Variants in SFSWAP observed in about 807,000 individuals in gnomAD.
The protein encoded by SFSWAP is splicing factor SWAP, also known as splicing factor, suppressor of white-apricot homolog.
SFSWAP carries 17 observed loss-of-function variants against 100.7 expected under a neutral mutation model. The observed-to-expected ratio is 0.17, with a 90% CI of 0.12 to 0.25. The LOEUF is 0.25. Ranked by LOEUF, SFSWAP falls within the 10% of genes least tolerant of loss-of-function variation. SFSWAP has a pLI of 1.00. For missense variants in SFSWAP, 1,005 were observed against 1,262.6 expected, an observed-to-expected ratio of 0.80 and a Z score of 3.09; for synonymous variants, 504 against 510.1, an observed-to-expected ratio of 0.99 and a Z score of 0.16.
Position 131,725,271 on chromosome 12 carries a change from G to A in SFSWAP, c.607-134G>A, listed in dbSNP as rs1490396663. The A allele has an allele frequency of 1.3e-6, 1 of 760,422 alleles. No homozygotes were observed. Among genetic ancestry groups the A allele is most frequent in the Non-Finnish European group, 2.2e-6 (1 of 453,544 alleles). The allele number at this position is 760,422 out of a possible 1,614,324, so 47.1% of individuals were successfully genotyped here. On this transcript the variant is annotated intron_variant, in intron 4 of 17. Transcript: ENST00000261674. This position sits in a 1 kb window ranked among gnomAD's most constrained non-coding sequence, Gnocchi z 4.3. ...GAGATGAGGAGTCCGAACAGCCTGGGCTCTTCCAGCTTAAAGTCTCGTATC... is the reference window on the plus strand; with the variant it reads ...GAGATGAGGAGTCCGAACAGCCTGGACTCTTCCAGCTTAAAGTCTCGTATC...
In SFSWAP at chr12:131,794,843, T is replaced by C. The variant is rs1486285236; in HGVS notation, c.2535-2335T>C. On this transcript the variant is annotated intron_variant, in intron 15 of 17. Coordinates refer to ENST00000261674, the MANE Select transcript of SFSWAP (RefSeq NM_004592.4). This position sits in a 1 kb window ranked among gnomAD's most constrained non-coding sequence, Gnocchi z 4.8. ...CTTTAAAAAAAAATGAATGAGTTGC[T>C]CCATTCCTTCAGCAAGGGCTTAGAT... Among the ~76,000 whole-genome samples the C allele has an allele frequency of 6.6e-6, 1 of 152,182 alleles. No homozygotes were observed. The highest frequency in any genetic ancestry group is 2.1e-4 in the South Asian group (1 of 4,830).
At chr12:131,797,792 G>A (rs963508855) in intron 16 of SFSWAP, among the ~76,000 whole-genome samples, 2 of 152,262 alleles carry the variant, frequency 1.3e-5, no homozygotes, top group African/African-American at 4.8e-5. Context: ...TCACACCTGG[G>A]CAGCAGCACA....
At chr12:131,768,680 C>T (rs56020999) in intron 13 of SFSWAP, among the ~76,000 whole-genome samples, 11,452 of 152,204 alleles carry the variant, frequency 0.075, 488 homozygotes, top group Middle Eastern at 0.12. Context: ...GCCCCAGAAA[C>T]GAACATTTTC....
rs768995454 is a variant in SFSWAP, at chr12:131,756,601, G to C, written c.1677G>C (p.Glu559Asp). The C allele has an allele frequency of 3.1e-6, 5 of 1,612,280 alleles. No homozygotes were observed. The South Asian group carries it at 5.5e-5, about 18-fold the overall frequency. Reference sequence around the variant, plus strand: ...GGGCAGGCTCAGGCGGGAAGAAGGAGGCATCGTCCAGTAAGACCGTCCCGG... The same window carrying C: ...GGGCAGGCTCAGGCGGGAAGAAGGACGCATCGTCCAGTAAGACCGTCCCGG... ...GARAGSGGKK[E>D]ASSSKTVPDG... The change falls in exon 11 of 18, where the codon GAG (glutamate) becomes GAC (aspartate). Residue 559 changes from glutamate (E) to aspartate (D), a missense_variant. Around this residue, in one of 7 missense-constraint regions of SFSWAP, gnomAD observed 311 missense variants for 317.8 expected, o/e 0.98. Coordinates refer to ENST00000261674, the MANE Select transcript of SFSWAP (RefSeq NM_004592.4).
chr12:131,746,908 T>G (rs761576389), intron 7 of SFSWAP, among the ~76,000 whole-genome samples: 2 of 151,946 alleles, frequency 1.3e-5, no homozygotes, highest in Non-Finnish European at 2.9e-5. Context: ...ATCGAGACCA[T>G]CCTGGCTAAC....
intron 11 of SFSWAP, chr12:131,757,040 C>T (rs1431619998): frequency 1.8e-5 from 3 of 166,174 alleles, no homozygotes; most frequent in Non-Finnish European, 3.9e-5. Flanking sequence ...ATACTTCACT[C>T]ACTCGATTTC....
At chr12:131,712,858 T>C (rs1877513171) in intron 1 of SFSWAP, 2 of 152,230 alleles carry the variant, frequency 1.3e-5, no homozygotes, top group South Asian at 2.1e-4. Context: ...CTGAGCTCTT[T>C]GTACAGTTTT....
intron 4 of SFSWAP, among the ~76,000 whole-genome samples, chr12:131,722,379 TAGTG>T (rs777160141): frequency 2.0e-4 from 31 of 152,118 alleles, no homozygotes; most frequent in Non-Finnish European, 2.1e-4. Context: ...CTGGGCAACA[TAGTG>T]AGATCCTGTC....
intron 8 of SFSWAP, among the ~76,000 whole-genome samples, chr12:131,753,813 C>G (rs950195366): frequency 6.6e-6 from 1 of 152,184 alleles, no homozygotes; most frequent in African/African-American, 2.4e-5. Context: ...CTTTAGTTAA[C>G]CTGTGAAGCC....
At chr12:131,740,966 C>CTTTTTTTTTTTTTTTTTTTTTTTTTT (rs60047663) in intron 7 of SFSWAP, among the ~76,000 whole-genome samples, 48 of 70,156 alleles carry the variant, frequency 6.8e-4, no homozygotes, top group Admixed American at 9.4e-4. Flanking sequence ...TCTTTTTTTT[C>CTTTTTTTTTTTTTTTTTTTTTTTTTT]TTTTTTTTTT....
At chr12:131,748,137 C>CT (rs1247461947) in intron 7 of SFSWAP, among the ~76,000 whole-genome samples, 1 of 151,934 alleles carries the variant, frequency 6.6e-6, no homozygotes, top group African/African-American at 2.4e-5. Flanking sequence ...GGGGCCATCT[C>CT]TTTAACATTT....
chr12:131,784,765 T>TA, intron 14 of SFSWAP: 1 of 228,532 alleles, frequency 4.4e-6, no homozygotes, highest in Non-Finnish European at 8.5e-6. Context: ...TAATGGTATG[T>TA]AGCCCCTCGT....
rs190697144 is a variant in SFSWAP, at chr12:131,793,940, C to T, written c.2535-3238C>T. Among the ~76,000 whole-genome samples the T allele has an allele frequency of 1.6e-3, 247 of 152,124 alleles. 1 individual carries two copies. Among genetic ancestry groups the T allele is most frequent in the African/African-American group, 4.1e-3 (169 of 41,502 alleles). On this transcript the variant is annotated intron_variant, in intron 15 of 17. Coordinates refer to ENST00000261674, the MANE Select transcript of SFSWAP (RefSeq NM_004592.4). ...AGAGTGGGCACGGGCCCAGCGGCTG[C>T]GCTCTCAGACACTGGATTGGGAAAC...
intron 14 of SFSWAP, among the ~76,000 whole-genome samples, chr12:131,781,719 G>A (rs1283536157): frequency 3.9e-5 from 6 of 152,156 alleles, no homozygotes; most frequent in Non-Finnish European, 7.3e-5. Flanking sequence ...CGTCAGCAGA[G>A]CAAAGTGTTT....
chr12:131,774,942 G>C (rs1288017531), intron 13 of SFSWAP, among the ~76,000 whole-genome samples: 1 of 152,106 alleles, frequency 6.6e-6, no homozygotes, highest in African/African-American at 2.4e-5. Context: ...AAGTTTGGAG[G>C]CTCAAATCAT....
In SFSWAP at chr12:131,714,787, T is replaced by C. The variant is rs756046432; in HGVS notation, c.389-35T>C. On this transcript the variant is annotated intron_variant, in intron 2 of 17. Coordinates refer to ENST00000261674, the MANE Select transcript of SFSWAP (RefSeq NM_004592.4). The surrounding 1 kb of genome is among the most constrained non-coding windows in gnomAD (Gnocchi z 6.0). ...TATAAAGTTTTTCTCAGTAATTTTC[T>C]ATTTTTGTTGATAAAATTCTCATTT... is the stretch of plus-strand genomic sequence containing the variant. 6.6e-5 allele frequency: 106 copies of C among 1,595,922 alleles called. 1 individual carries two copies. The Admixed American group carries it at 1.7e-3, about 26-fold the overall frequency.
chr12:131,762,945 A>G (rs930963476), intron 11 of SFSWAP, among the ~76,000 whole-genome samples: 3 of 152,158 alleles, frequency 2.0e-5, no homozygotes, highest in Admixed American at 6.5e-5. Flanking sequence ...CGAAAACAGA[A>G]TATCACATAA....
intron 13 of SFSWAP, among the ~76,000 whole-genome samples, chr12:131,769,427 GTTACA>G (rs1883398754): frequency 6.6e-6 from 1 of 152,148 alleles, no homozygotes; most frequent in African/African-American, 2.4e-5. Flanking sequence ...GCTTTAACCA[GTTACA>G]TTACATGACT....
chr12:131,743,611 G>A (rs1023536257), intron 7 of SFSWAP, among the ~76,000 whole-genome samples: 1 of 152,242 alleles, frequency 6.6e-6, no homozygotes, highest in African/African-American at 2.4e-5. Flanking sequence ...TCACAGGCTG[G>A]TGTTGAGTGT....
Sources: allele counts gnomAD v4.1 joint callset (sites outside exome capture counted in the v4.1 genomes callset), GRCh38; gene constraint gnomAD v4.1.1; regional missense constraint gnomAD v4.1.1; non-coding constraint Gnocchi (gnomAD v3.1); transcripts MANE v1.5; gene names NCBI Gene and HGNC (gene_info 2026-07-23, HGNC 2026-07-21).